Variants in GRIK2 observed in about 807,000 individuals in gnomAD.
GRIK2 encodes glutamate ionotropic receptor kainate type subunit 2, also known as glutamate receptor ionotropic, kainate 2.
A neutral mutation model predicts 100.3 loss-of-function variants in GRIK2; 32 were observed. That is an observed-to-expected ratio of 0.32 (90% confidence interval 0.24 to 0.43). The LOEUF (loss-of-function observed/expected upper bound fraction) is 0.43. GRIK2 is among the 20% of genes least tolerant of loss of function. The pLI is 1.00. For missense variants in GRIK2, 843 were observed against 1,114.9 expected (o/e 0.76, Z 3.47); for synonymous variants, 417 against 389.4 (o/e 1.07, Z -0.83).
At position 101,599,318 on chromosome 6, in the gene GRIK2, T is replaced by C. The variant is rs1278008552; in HGVS notation, c.116-22631T>C. The stretch of plus-strand genomic sequence containing the variant: ...ATTATATTTCTTGATCAGTCCCCTA[T>C]TGATGGGCACCTTGGTTGATTCCCT... On this transcript the variant is annotated intron_variant, in intron 2 of 16. Transcript: ENST00000369134. Among the ~76,000 whole-genome samples, 5 of 151,910 alleles carry C rather than the reference T, an allele frequency of 3.3e-5. No individual in the cohort carries two copies. The East Asian group carries it at 5.8e-4, about 18-fold the overall frequency.
chr6:101,747,368 T>C (rs1583065668), intron 7 of GRIK2, among the ~76,000 whole-genome samples: 1 of 152,140 alleles, frequency 6.6e-6, no homozygotes, highest in Non-Finnish European at 1.5e-5. Context: ...GGCTTGGCAG[T>C]TTTTCCATTA....
At chr6:102,015,799 G>T (rs1795805506) in intron 14 of GRIK2, among the ~76,000 whole-genome samples, 1 of 152,164 alleles carries the variant, frequency 6.6e-6, no homozygotes. Context: ...AGCACAGCAG[G>T]TCCCTAACCT....
chr6:101,561,890 G>A (rs1302736866), intron 2 of GRIK2, among the ~76,000 whole-genome samples: 1 of 152,060 alleles, frequency 6.6e-6, no homozygotes, highest in Admixed American at 6.6e-5. Context: ...GTGTCCAGTG[G>A]GTAGATAGAT....
intron 12 of GRIK2, among the ~76,000 whole-genome samples, chr6:101,904,859 G>A (rs969340238): frequency 6.6e-6 from 1 of 151,340 alleles, no homozygotes; most frequent in African/African-American, 2.4e-5. Flanking sequence ...CAGTACTCAA[G>A]GTGGATTAAT....
intron 7 of GRIK2, among the ~76,000 whole-genome samples, chr6:101,766,144 A>C (rs1170789119): frequency 1.3e-5 from 2 of 152,044 alleles, no homozygotes; most frequent in African/African-American, 4.8e-5. Flanking sequence ...GTCCAGCATC[A>C]TTGGAACATA....
At chr6:101,966,211 G>T (rs1582632513) in intron 14 of GRIK2, among the ~76,000 whole-genome samples, 1 of 152,012 alleles carries the variant, frequency 6.6e-6, no homozygotes, top group African/African-American at 2.4e-5. Context: ...AATGTACTTT[G>T]TATTTTAACA....
At chr6:101,819,335 G>A (rs1383658136) in intron 10 of GRIK2, among the ~76,000 whole-genome samples, 2 of 152,110 alleles carry the variant, frequency 1.3e-5, no homozygotes, top group Non-Finnish European at 2.9e-5. Flanking sequence ...TTGATTTATG[G>A]TGGGAAATCA....
In GRIK2 at chr6:101,712,572, AT is replaced by A. The variant is rs1240277952; in HGVS notation, c.951+26226del. 2.6e-5 allele frequency among the ~76,000 whole-genome samples: 4 copies of A among 151,768 alleles called. 1 individual carries two copies. Among genetic ancestry groups the A allele is most frequent in the Admixed American group, 6.6e-5 (1 of 15,184 alleles). On this transcript the variant is annotated intron_variant, in intron 7 of 16. Transcript: ENST00000369134. ...GAGTGAACTATGCAATACGTATTTT[AT>A]TTTTTTCTAATAAGGTATTGATTTT...
At chr6:101,977,380 G>A (rs1793455134) in intron 14 of GRIK2, among the ~76,000 whole-genome samples, 1 of 151,800 alleles carries the variant, frequency 6.6e-6, no homozygotes, top group Non-Finnish European at 1.5e-5. Context: ...GGAGGAAGCA[G>A]AAGTAGGCAA....
At position 101,924,715 on chromosome 6, in the gene GRIK2, G is replaced by C. The variant is rs757251684; in HGVS notation, c.1863G>C (p.Gln621His). The change falls in exon 13 of 17, where the codon CAG becomes CAC. Residue 621 changes from glutamine to histidine, a missense_variant. Around this residue, in one of 3 missense-constraint regions of GRIK2, gnomAD observed 237 missense variants for 388.0 expected, o/e 0.61. Transcript: ENST00000369134. ...SFWFGVGALM[Q>H]QGSELMPKAL... ...GGTTTGGAGTTGGAGCTCTCATGCA[G>C]CAAGGTATACGATTCAGCCTGCTAT... is the stretch of plus-strand genomic sequence containing the variant. 57 of 1,564,806 alleles carry C rather than the reference G, an allele frequency of 3.6e-5. No homozygotes were observed. The highest frequency in any genetic ancestry group is 9.7e-6 in the Non-Finnish European group (11 of 1,135,096).
chr6:101,925,581 C>T (rs1196012538), intron 13 of GRIK2, among the ~76,000 whole-genome samples: 2 of 149,504 alleles, frequency 1.3e-5, no homozygotes, highest in African/African-American at 2.4e-5. Flanking sequence ...TAAAATGTAA[C>T]ATTTTAAAGT....
chr6:101,969,562 G>A (rs1792906403), intron 14 of GRIK2, among the ~76,000 whole-genome samples: 1 of 151,918 alleles, frequency 6.6e-6, no homozygotes, highest in East Asian at 1.9e-4. Context: ...TGAGACAATT[G>A]CCGCTGTTTG....
At chr6:101,970,303 C>A (rs1729358247) in intron 14 of GRIK2, among the ~76,000 whole-genome samples, 2 of 151,790 alleles carry the variant, frequency 1.3e-5, no homozygotes, top group Admixed American at 6.6e-5. Flanking sequence ...AAAATTTGGG[C>A]TTGGCCCAGG....
At chr6:101,705,092 A>C (rs1010564590) in intron 7 of GRIK2, among the ~76,000 whole-genome samples, 5 of 149,406 alleles carry the variant, frequency 3.3e-5, no homozygotes, top group African/African-American at 1.2e-4. Context: ...GTAGAATTTT[A>C]TCTCCTTCTG....
chr6:101,615,421 G>A (rs1392687889), intron 2 of GRIK2, among the ~76,000 whole-genome samples: 1 of 151,752 alleles, frequency 6.6e-6, no homozygotes, highest in African/African-American at 2.4e-5. Context: ...AACTACACAG[G>A]AGTCTCCAGA....
At chr6:101,729,214 C>A (rs1775084502) in intron 7 of GRIK2, among the ~76,000 whole-genome samples, 3 of 151,918 alleles carry the variant, frequency 2.0e-5, no homozygotes, top group Admixed American at 6.6e-5. Context: ...AAAGTAAAAA[C>A]CATTTAGCAT....
rs1318572119 is a variant in GRIK2, at chr6:102,069,992, T to C, written c.*1481T>C. On this transcript the variant is annotated 3_prime_UTR_variant, in exon 17 of 17. Transcript: ENST00000369134. ...AAAAGACACAGACCTCTTGACAACA[T>C]TGTGATAACAGTTGAGTGCACACAG... is the stretch of plus-strand genomic sequence containing the variant. The C allele has an allele frequency of 3.3e-5, 5 of 152,020 alleles. No homozygotes were observed. Among genetic ancestry groups the C allele is most frequent in the Non-Finnish European group, 5.9e-5 (4 of 67,976 alleles). 9.4% of individuals were successfully genotyped at this position (152,020 alleles called of 1,614,324 possible). A position where few individuals can be genotyped will look rare whatever the true frequency, so the allele number is the denominator to read the frequency against.
At chr6:101,628,927 A>G (rs990293190) in intron 4 of GRIK2, among the ~76,000 whole-genome samples, 5 of 152,122 alleles carry the variant, frequency 3.3e-5, no homozygotes, top group African/African-American at 1.2e-4. Flanking sequence ...GTGTATGCAC[A>G]TGTGTGGCAT....
chr6:101,964,313 G>A (rs1361281545), intron 14 of GRIK2, among the ~76,000 whole-genome samples: 2 of 151,732 alleles, frequency 1.3e-5, no homozygotes, highest in African/African-American at 4.8e-5. Context: ...TTATATTATT[G>A]TTATCAATTG....
Sources: gnomAD v4.1 joint callset for allele counts (sites outside exome capture counted in the v4.1 genomes callset) on GRCh38, gnomAD v4.1.1 for gene constraint, gnomAD v4.1.1 regional missense constraint, MANE v1.5 for transcripts, NCBI Gene and HGNC (gene_info 2026-07-23, HGNC 2026-07-21) for gene names.